Variants in EIF4E2 observed in about 807,000 individuals in gnomAD.
The protein encoded by EIF4E2 is eukaryotic translation initiation factor 4E family member 2, also known as eukaryotic translation initiation factor 4E type 2.
In EIF4E2, 13 loss-of-function variants were observed where a neutral mutation model predicts 34.2. The ratio of observed to expected loss-of-function variants is 0.38; its 90% CI spans 0.25 to 0.60. EIF4E2 has a LOEUF of 0.60. Ranked by LOEUF, EIF4E2 falls within the 20% of genes least tolerant of loss-of-function variation. The pLI is 0.62. For synonymous variants in EIF4E2, 100 were observed against 106.6 expected, an observed-to-expected ratio of 0.94 and a Z score of 0.38; for missense variants, 222 against 315.1, an observed-to-expected ratio of 0.70 and a Z score of 2.24.
At chr2:232,579,386 C>G (rs1039701774) in intron 6 of EIF4E2, among the ~76,000 whole-genome samples, 8 of 152,338 alleles carry the variant, frequency 5.3e-5, no homozygotes, top group African/African-American at 1.9e-4. Flanking sequence ...AAATGAACCA[C>G]ATGGTCATGC....
At chr2:232,554,495 A>T (rs1335229693) in intron 1 of EIF4E2, among the ~76,000 whole-genome samples, 1 of 152,208 alleles carries the variant, frequency 6.6e-6, no homozygotes, top group Non-Finnish European at 1.5e-5. Context: ...CTGGTAGCTC[A>T]TACACACCAT....
At chr2:232,561,106 A>G (rs529419321) in intron 3 of EIF4E2, among the ~76,000 whole-genome samples, 1 of 152,278 alleles carries the variant, frequency 6.6e-6, no homozygotes, top group South Asian at 2.1e-4. Flanking sequence ...AGTTTGGGGA[A>G]TACTGCCTTG....
At chr2:232,565,672 G>A (rs1344843511) in intron 4 of EIF4E2, among the ~76,000 whole-genome samples, 2 of 152,082 alleles carry the variant, frequency 1.3e-5, no homozygotes, top group African/African-American at 4.8e-5. Context: ...CTTCTTGACT[G>A]TTTCCAACTA....
intron 4 of EIF4E2, among the ~76,000 whole-genome samples, chr2:232,565,946 G>T (rs1364771704): frequency 1.3e-5 from 2 of 151,932 alleles, no homozygotes; most frequent in East Asian, 3.9e-4. Context: ...ACAATAATTA[G>T]CCGGGTGTGG....
rs1233188831 is a variant in EIF4E2 at position 232,556,585 on chromosome 2, T to G, written c.135+55T>G. On this transcript the variant is annotated intron_variant, in intron 2 of 6. Coordinates refer to ENST00000258416, the MANE Select transcript of EIF4E2 (RefSeq NM_004846.4). The stretch of plus-strand genomic sequence containing the variant: ...CTTTGAACTTGAGACTTTTATTATC[T>G]TGTGGAATCTGTTTATCTGGAAGAT... The G allele has an allele frequency of 3.2e-5, 40 of 1,255,986 alleles. No individual in the cohort carries two copies. The East Asian group carries it at 9.1e-4, about 29-fold the overall frequency. 77.8% of individuals were successfully genotyped at this position (1,255,986 alleles called of 1,614,324 possible). A position where few individuals can be genotyped will look rare whatever the true frequency, so the allele number is the denominator to read the frequency against.
chr2:232,567,736 G>A (rs1692985605), intron 6 of EIF4E2: 4 of 989,580 alleles, frequency 4.0e-6, no homozygotes, highest in Non-Finnish European at 3.6e-6. Flanking sequence ...CAGAATCAAA[G>A]GGAAGCATGA....
intron 6 of EIF4E2, among the ~76,000 whole-genome samples, chr2:232,575,729 G>A (rs1693195891): frequency 6.6e-6 from 1 of 152,156 alleles, no homozygotes; most frequent in Non-Finnish European, 1.5e-5. Flanking sequence ...ATAAATCATT[G>A]ATTTTTAGGC....
At chr2:232,576,328 G>A (rs542793560) in intron 6 of EIF4E2, among the ~76,000 whole-genome samples, 1 of 152,136 alleles carries the variant, frequency 6.6e-6, no homozygotes, top group Non-Finnish European at 1.5e-5. Flanking sequence ...TGGCATCTGA[G>A]GTTCAGTGAA....
chr2:232,583,066 T>C (rs767560220), exon 7 of EIF4E2: 4 of 152,228 alleles, frequency 2.6e-5, no homozygotes, highest in Non-Finnish European at 5.9e-5. Context: ...CCAAACTAGC[T>C]TGAGAGGTCT....
chr2:232,556,328 C>A, intron 1 of EIF4E2, 88 bp from the exon 2 acceptor site: 2 of 1,035,920 alleles, frequency 1.9e-6, no homozygotes, highest in South Asian at 1.4e-5. Flanking sequence ...GGGTTGGTTA[C>A]ATAGTAGTTC....
chr2:232,568,874 C>A, intron 6 of EIF4E2, 71 bp from the exon 7 acceptor site: 1 of 1,602,250 alleles, frequency 6.2e-7, no homozygotes, highest in Non-Finnish European at 8.5e-7. Context: ...CTTTGAGACC[C>A]AGATGCTACT....
chr2:232,577,295 C>G (rs1369484358), intron 6 of EIF4E2, among the ~76,000 whole-genome samples: 1 of 152,188 alleles, frequency 6.6e-6, no homozygotes, highest in African/African-American at 2.4e-5. Context: ...ACCATGTGCA[C>G]TTAGGTCTAC....
chr2:232,558,920 C>T (rs1370274150), intron 3 of EIF4E2: 1 of 152,004 alleles, frequency 6.6e-6, no homozygotes, highest in African/African-American at 2.4e-5. Context: ...TTTGTGTACC[C>T]CAAGAATCCA....
chr2:232,564,342 C>T lies in EIF4E2; in HGVS notation c.366C>T (p.Pro122=). 1 of 1,577,706 alleles carries T rather than the reference C, an allele frequency of 6.3e-7. No homozygotes were observed. Among genetic ancestry groups the T allele is most frequent in the Non-Finnish European group, 8.6e-7 (1 of 1,159,114 alleles). The change falls in exon 4 of 7, where the codon CCC becomes CCT. Residue 122 remains proline, a synonymous_variant. Transcript: ENST00000258416. ...ATCTCTTCAAAGAAGGAATTAAACC[C>T]ATGTGGGAGGTAAGGACTAATGGCT... ...DFHLFKEGIK[P]MWEDDANKNG...
intron 6 of EIF4E2, chr2:232,567,968 A>G (rs1371832241): frequency 1.0e-6 from 1 of 972,928 alleles, no homozygotes; most frequent in Non-Finnish European, 1.2e-6. Flanking sequence ...TAGTTCTCTC[A>G]TATGGCCCCA....
chr2:232,565,868 C>T (rs1435479680), intron 4 of EIF4E2, among the ~76,000 whole-genome samples: 1 of 151,488 alleles, frequency 6.6e-6, no homozygotes, highest in Non-Finnish European at 1.5e-5. Flanking sequence ...CCGAGGCAGA[C>T]AGATCACGAG....
intron 6 of EIF4E2, chr2:232,574,255 T>G: frequency 6.4e-7 from 1 of 1,550,564 alleles, no homozygotes; most frequent in East Asian, 2.4e-5. Context: ...TTGTCTCTGG[T>G]TTGCCAGGGC....
intron 3 of EIF4E2, among the ~76,000 whole-genome samples, chr2:232,559,375 G>A (rs554291751): frequency 6.6e-6 from 1 of 151,124 alleles, no homozygotes; most frequent in African/African-American, 2.4e-5. Flanking sequence ...CATCTGTTCA[G>A]TAACAATCAC....
At position 232,558,026 on chromosome 2, in the gene EIF4E2, C is replaced by A. The variant is rs374256886; in HGVS notation, c.270+8C>A. On this transcript the variant is annotated splice_region_variant and intron_variant, in intron 3 of 6. Transcript: ENST00000258416. ...ATTGGCACCTTTGCCTCTGTGAGTT[C>A]TTGGTGAATTAATGGAGTGTGCCTT... The A allele has an allele frequency of 4.0e-5, 65 of 1,613,666 alleles. No individual in the cohort carries two copies. Among genetic ancestry groups the A allele is most frequent in the Non-Finnish European group, 5.1e-5 (60 of 1,179,928 alleles).
Sources: allele counts gnomAD v4.1 joint callset (sites outside exome capture counted in the v4.1 genomes callset), GRCh38; gene constraint gnomAD v4.1.1; transcripts MANE v1.5; gene names NCBI Gene and HGNC (gene_info 2026-07-23, HGNC 2026-07-21).